Variants in EHBP1 observed in about 807,000 individuals in gnomAD.
The protein encoded by EHBP1 is EH domain binding protein 1.
A neutral mutation model predicts 144.0 loss-of-function variants in EHBP1; 55 were observed. The ratio of observed to expected loss-of-function variants is 0.38; its 90% CI spans 0.31 to 0.48. The LOEUF is 0.48. Among genes scored for constraint, EHBP1 ranks in the 20% least tolerant of loss-of-function variants. The pLI is 0.98. For synonymous variants in EHBP1, 469 were observed against 472.7 expected, an observed-to-expected ratio of 0.99 and a Z score of 0.10; for missense variants, 1,200 against 1,364.2, an observed-to-expected ratio of 0.88 and a Z score of 1.90.
chr2:63,035,994 G>T (rs1254468755), intron 19 of EHBP1, among the ~76,000 whole-genome samples: 1 of 151,966 alleles, frequency 6.6e-6, no homozygotes, highest in East Asian at 1.9e-4. Context: ...TCCTAAGTCG[G>T]CTTCGTACCA....
intron 19 of EHBP1, among the ~76,000 whole-genome samples, chr2:63,013,143 A>G (rs1001272219): frequency 6.6e-6 from 1 of 152,226 alleles, no homozygotes; most frequent in Non-Finnish European, 1.5e-5. Context: ...ATAGTGAGCA[A>G]TAAGCCTTTA....
chr2:62,792,678 GTGTCT>G (rs1207580660), intron 5 of EHBP1, among the ~76,000 whole-genome samples: 1 of 151,980 alleles, frequency 6.6e-6, no homozygotes, highest in Non-Finnish European at 1.5e-5. Context: ...TTGAAAGGGT[GTGTCT>G]TTTTGTACAC....
Position 62,677,991 on chromosome 2 carries a change from A to G in EHBP1, c.-296+3908A>G, listed in dbSNP as rs533585603. Among the ~76,000 whole-genome samples, 11 of 152,324 alleles carry G rather than the reference A, an allele frequency of 7.2e-5. No homozygotes were observed. In the South Asian group the frequency reaches 1.2e-3, roughly 17 times the overall value. On this transcript the variant is annotated intron_variant, in intron 1 of 22. Transcript: ENST00000405015. ...TATACTAATTTCCTTCCTTTGGGGTATATACCTAGCAGTGGGATTCCTGGA... is the reference window on the plus strand; with the variant it reads ...TATACTAATTTCCTTCCTTTGGGGTGTATACCTAGCAGTGGGATTCCTGGA...
chr2:62,861,334 C>T (rs1029560472), intron 8 of EHBP1, among the ~76,000 whole-genome samples: 10 of 151,430 alleles, frequency 6.6e-5, no homozygotes, highest in East Asian at 2.0e-4. Flanking sequence ...TTCGCCATGT[C>T]GGCCAGGATG....
chr2:62,768,966 C>T (rs569294941), intron 4 of EHBP1, among the ~76,000 whole-genome samples: 4 of 152,074 alleles, frequency 2.6e-5, no homozygotes, highest in African/African-American at 7.2e-5. Context: ...ATTCAACATC[C>T]CTTTGTGTTA....
intron 10 of EHBP1, among the ~76,000 whole-genome samples, chr2:62,899,083 C>T (rs1324475374): frequency 1.3e-5 from 2 of 152,044 alleles, no homozygotes; most frequent in African/African-American, 2.4e-5. Flanking sequence ...AGAAAATGGC[C>T]CTTAAACTTT....
chr2:62,970,579 C>A (rs532395451), intron 14 of EHBP1, among the ~76,000 whole-genome samples: 2 of 152,284 alleles, frequency 1.3e-5, no homozygotes, highest in African/African-American at 4.8e-5. Context: ...GACAGTTTCT[C>A]ATGTTCTAAT....
chr2:62,677,210 A>C (rs2151721262), intron 1 of EHBP1, among the ~76,000 whole-genome samples: 1 of 152,324 alleles, frequency 6.6e-6, no homozygotes, highest in Non-Finnish European at 1.5e-5. Flanking sequence ...AACAAACAAA[A>C]AACCTTTGAC....
At chr2:63,031,681 C>A (rs2061253726) in intron 19 of EHBP1, among the ~76,000 whole-genome samples, 1 of 152,158 alleles carries the variant, frequency 6.6e-6, no homozygotes, top group African/African-American at 2.4e-5. Context: ...GTAATCCCAG[C>A]ACTTTGGAAG....
intron 13 of EHBP1, among the ~76,000 whole-genome samples, chr2:62,950,235 C>G (rs1043713945): frequency 2.0e-5 from 3 of 152,080 alleles, no homozygotes; most frequent in African/African-American, 7.2e-5. Context: ...CTCCAAGTCC[C>G]TTTCAGAGAG....
At chr2:62,785,406 A>G (rs2042734046) in intron 5 of EHBP1, among the ~76,000 whole-genome samples, 1 of 152,216 alleles carries the variant, frequency 6.6e-6, no homozygotes. Flanking sequence ...CAGACAGAGA[A>G]GAGGCGAAAA....
At chr2:62,820,273 A>T (rs1175706775) in intron 5 of EHBP1, among the ~76,000 whole-genome samples, 4 of 151,754 alleles carry the variant, frequency 2.6e-5, no homozygotes, top group Non-Finnish European at 4.4e-5. Flanking sequence ...ACAAATTTTT[A>T]AAATGGTAAT....
At chr2:62,922,195 A>C (rs539305911) in intron 10 of EHBP1, among the ~76,000 whole-genome samples, 2 of 152,282 alleles carry the variant, frequency 1.3e-5, no homozygotes, top group South Asian at 4.2e-4. Flanking sequence ...AATCATAATG[A>C]AGAGAAAATA....
intron 10 of EHBP1, among the ~76,000 whole-genome samples, chr2:62,887,412 G>C (rs2052023733): frequency 1.3e-5 from 2 of 152,082 alleles, no homozygotes; most frequent in Admixed American, 6.6e-5. Flanking sequence ...GAGAAAACCT[G>C]ATTACTTGCA....
intron 3 of EHBP1, among the ~76,000 whole-genome samples, chr2:62,759,741 C>T (rs982818187): frequency 6.6e-6 from 1 of 152,132 alleles, no homozygotes; most frequent in Admixed American, 6.6e-5. Context: ...TCTTAAAAAC[C>T]TAAATTAGTG....
intron 4 of EHBP1, among the ~76,000 whole-genome samples, chr2:62,767,401 A>G (rs1217629636): frequency 6.6e-6 from 1 of 152,174 alleles, no homozygotes; most frequent in Non-Finnish European, 1.5e-5. Context: ...TGGAAGTATT[A>G]TAAAAGTAGG....
At chr2:62,985,441 T>A (rs1465707421) in intron 15 of EHBP1, among the ~76,000 whole-genome samples, 1 of 152,202 alleles carries the variant, frequency 6.6e-6, no homozygotes, top group Non-Finnish European at 1.5e-5. Context: ...ATAAGGTACT[T>A]CCGTTGAAAA....
chr2:62,917,438 A>G lies in EHBP1; in HGVS notation c.1186-25280A>G, dbSNP rs375020300. Among the ~76,000 whole-genome samples, 14 of 152,292 alleles carry G rather than the reference A, an allele frequency of 9.2e-5. No individual in the cohort carries two copies. In the East Asian group the frequency reaches 2.7e-3, roughly 29 times the overall value. On this transcript the variant is annotated intron_variant, in intron 10 of 22. Transcript: ENST00000431489. ...TGACTATGTATATTAATATAAACAG[A>G]TGCGCACGTGTGCACACAGATGCAC...
At chr2:62,687,973 T>G (rs2033774902) in intron 1 of EHBP1, among the ~76,000 whole-genome samples, 1 of 152,212 alleles carries the variant, frequency 6.6e-6, no homozygotes, top group South Asian at 2.1e-4. Context: ...GTGCCTACTT[T>G]TGAAAGAAGA....
Sources: allele counts gnomAD v4.1 joint callset (sites outside exome capture counted in the v4.1 genomes callset), GRCh38; gene constraint gnomAD v4.1.1; transcripts MANE v1.5; gene names NCBI Gene and HGNC (gene_info 2026-07-23, HGNC 2026-07-21).